MAP3K4: variants seen among roughly 807,000 people sequenced by gnomAD.
MAP3K4 encodes the protein MAP three kinase 1.
A neutral mutation model predicts 185.6 loss-of-function variants in MAP3K4; 67 were observed. The observed-to-expected ratio is 0.36, with a 90% CI of 0.30 to 0.44. MAP3K4 has a LOEUF of 0.44. Ranked by LOEUF, MAP3K4 falls within the 20% of genes least tolerant of loss-of-function variation. The pLI, the probability that MAP3K4 is intolerant of heterozygous loss-of-function variation, is 1.00. For synonymous variants in MAP3K4, 702 were observed against 710.4 expected (o/e 0.99, Z 0.19); for missense variants, 1,551 against 1,995.1 (o/e 0.78, Z 4.24).
intron 15 of MAP3K4, among the ~76,000 whole-genome samples, chr6:161,095,404 A>C (rs1777523208): frequency 2.6e-5 from 4 of 152,244 alleles, no homozygotes; most frequent in African/African-American, 7.2e-5. Flanking sequence ...AAAGAAATGA[A>C]TGAAAATGAG....
At chr6:161,102,015 T>C in intron 18 of MAP3K4, 23 bp downstream of exon 18, 2 of 1,566,554 alleles carry the variant, frequency 1.3e-6, no homozygotes, top group South Asian at 2.2e-5. Flanking sequence ...AGGTGTTAGC[T>C]GCATTCACAA....
chr6:161,029,635 C>A (rs9458101), intron 1 of MAP3K4, among the ~76,000 whole-genome samples: 4,055 of 152,304 alleles, frequency 0.027, 121 homozygotes, highest in African/African-American at 0.072. Context: ...TGTTTCAGGG[C>A]AGCTGATGTA....
chr6:161,110,804 T>G lies in MAP3K4; in HGVS notation c.4396+890T>G, dbSNP rs1341909236. On this transcript the variant is annotated intron_variant, in intron 23 of 26. Coordinates refer to ENST00000392142, the MANE Select transcript of MAP3K4 (RefSeq NM_005922.4). The surrounding 1 kb of genome is among the most constrained non-coding windows in gnomAD (Gnocchi z 4.8). Reference sequence around the variant, plus strand: ...ATTGGCTGCCTGCCTGTCCGCTACCTTGCTTTGGTGTCTGGGGTCATCCTG... The same window carrying G: ...ATTGGCTGCCTGCCTGTCCGCTACCGTGCTTTGGTGTCTGGGGTCATCCTG... Among the ~76,000 whole-genome samples, 1 of 152,200 alleles carries G rather than the reference T, an allele frequency of 6.6e-6. No homozygotes were observed. The highest frequency in any genetic ancestry group is 1.9e-4 in the East Asian group (1 of 5,200).
chr6:161,009,605 G>A (rs73591482), intron 1 of MAP3K4, among the ~76,000 whole-genome samples: 1,739 of 152,120 alleles, frequency 0.011, 43 homozygotes, highest in African/African-American at 0.04. Context: ...ATTCCATTGT[G>A]TGTACATATC....
chr6:161,045,548 G>T (rs908802706), intron 2 of MAP3K4, among the ~76,000 whole-genome samples: 10 of 152,086 alleles, frequency 6.6e-5, no homozygotes, highest in African/African-American at 2.4e-4. Context: ...TTATTTTCAT[G>T]TTTTGCCCCT....
chr6:160,995,671 A>C (rs760114063), intron 1 of MAP3K4, among the ~76,000 whole-genome samples: 3 of 152,214 alleles, frequency 2.0e-5, no homozygotes, highest in Non-Finnish European at 4.4e-5. Flanking sequence ...ATTGTTAGTG[A>C]TTAAATTTTG....
At chr6:160,998,290 T>C (rs1176522286) in intron 1 of MAP3K4, among the ~76,000 whole-genome samples, 1 of 152,192 alleles carries the variant, frequency 6.6e-6, no homozygotes, top group Non-Finnish European at 1.5e-5. Flanking sequence ...TAATACTCAG[T>C]GTGATCGCAT....
At position 161,043,731 on chromosome 6, in the gene MAP3K4, T is replaced by A. The variant is rs944924368; in HGVS notation, c.344-4885T>A. ...GAACGCAGTGATTTCGAACATACAC[T>A]GAAATTTGAGAAGCTTGAGCTAGAT... On this transcript the variant is annotated intron_variant, in intron 2 of 26. Transcript: ENST00000392142. This position sits in a 1 kb window ranked among gnomAD's most constrained non-coding sequence, Gnocchi z 4.3. 6.6e-6 allele frequency among the ~76,000 whole-genome samples: 1 copy of A among 152,222 alleles called. No homozygotes were observed. The highest frequency in any genetic ancestry group is 1.5e-5 in the Non-Finnish European group (1 of 68,030).
Position 161,092,978 on chromosome 6 carries a change from G to A in MAP3K4, c.3270G>A (p.Arg1090=). 6.2e-7 allele frequency: 1 copy of A among 1,611,106 alleles called. No individual in the cohort carries two copies. The highest frequency in any genetic ancestry group is 1.1e-5 in the South Asian group (1 of 90,916). ...KCESGRGTRP[R]WATQGFDFLQ... Reference sequence around the variant, plus strand: ...ATTACTGAACTTTTTCGTGTACCAGGTGGGCGACTCAAGGATTTGATTTTC... The same window carrying A: ...ATTACTGAACTTTTTCGTGTACCAGATGGGCGACTCAAGGATTTGATTTTC... Residue 1090 remains arginine, a splice_region_variant and synonymous_variant, in exon 14 of 27, where the codon AGG becomes AGA. Coordinates refer to ENST00000392142, the MANE Select transcript of MAP3K4 (RefSeq NM_005922.4).
Position 161,093,530 on chromosome 6 carries a change from G to C in MAP3K4, c.3349-243G>C, listed in dbSNP as rs1344866507. 6.6e-6 allele frequency among the ~76,000 whole-genome samples: 1 copy of C among 152,054 alleles called. No individual in the cohort carries two copies. The highest frequency in any genetic ancestry group is 1.5e-5 in the Non-Finnish European group (1 of 67,984). On this transcript the variant is annotated intron_variant, in intron 14 of 26. Transcript: ENST00000392142. The surrounding 1 kb of genome is among the most constrained non-coding windows in gnomAD (Gnocchi z 5.2). The stretch of plus-strand genomic sequence containing the variant: ...CGATTACATGAAAAGTTCTTTGCTT[G>C]TACACGTTATTGTGTTATGGGAAAT...
chr6:161,111,486 G>A (rs1195614381), intron 23 of MAP3K4, among the ~76,000 whole-genome samples: 1 of 152,174 alleles, frequency 6.6e-6, no homozygotes, highest in Non-Finnish European at 1.5e-5. Context: ...GCTGCTGATT[G>A]TACACATCTC....
At chr6:161,020,529 G>T (rs374784525) in intron 1 of MAP3K4, among the ~76,000 whole-genome samples, 1 of 151,828 alleles carries the variant, frequency 6.6e-6, no homozygotes, top group African/African-American at 2.4e-5. Context: ...GTGGTAGTGC[G>T]CGCCTGTAGT....
chr6:161,041,341 G>T (rs892967017), intron 2 of MAP3K4, among the ~76,000 whole-genome samples: 2 of 152,220 alleles, frequency 1.3e-5, no homozygotes, highest in Non-Finnish European at 2.9e-5. Context: ...GGGCTGGAGT[G>T]CAGGCTACTG....
In MAP3K4 at chr6:161,082,165, T is replaced by C. The variant is rs2114844196; in HGVS notation, c.2255+1127T>C. Among the ~76,000 whole-genome samples the C allele has an allele frequency of 6.6e-6, 1 of 152,160 alleles. No homozygotes were observed. Among genetic ancestry groups the C allele is most frequent in the South Asian group, 2.1e-4 (1 of 4,820 alleles). ...TCTCATAACTCCATCCGTCAGGCTG[T>C]GATCCCCAGGCTGTCTTTGCTTGTC... On this transcript the variant is annotated intron_variant, in intron 6 of 26. Coordinates refer to ENST00000392142, the MANE Select transcript of MAP3K4 (RefSeq NM_005922.4). The surrounding 1 kb of genome is among the most constrained non-coding windows in gnomAD (Gnocchi z 4.2).
At chr6:161,068,711 T>C (rs1238847432) in intron 3 of MAP3K4, among the ~76,000 whole-genome samples, 2 of 152,142 alleles carry the variant, frequency 1.3e-5, no homozygotes, top group African/African-American at 4.8e-5. Context: ...TTAAGGAGTA[T>C]TTAGTAGAAC....
In MAP3K4 at chr6:161,071,490, A is replaced by G. The variant is rs947571065; in HGVS notation, c.1950+640A>G. Among the ~76,000 whole-genome samples the G allele has an allele frequency of 1.3e-5, 2 of 152,170 alleles. No individual in the cohort carries two copies. The highest frequency in any genetic ancestry group is 2.9e-5 in the Non-Finnish European group (2 of 68,018). ...TGTCCCCAAAAGAAGAAAGGTTGGT[A>G]TGTTTTTTGTAGACTGTACGTGTCT... On this transcript the variant is annotated intron_variant, in intron 4 of 26. Transcript: ENST00000392142. The surrounding 1 kb of genome is among the most constrained non-coding windows in gnomAD (Gnocchi z 4.6).
intron 5 of MAP3K4, among the ~76,000 whole-genome samples, chr6:161,079,564 GA>G (rs1785345755): frequency 6.6e-6 from 1 of 152,170 alleles, no homozygotes; most frequent in Non-Finnish European, 1.5e-5. Context: ...GCAGCAAGAG[GA>G]AACTCCATCT....
At position 161,017,279 on chromosome 6, in the gene MAP3K4, T is replaced by C. The variant is rs1782160361; in HGVS notation, c.153-16980T>C. ...TTAATTAGTATATTAGAATTTTTATTTCGATGATCCTAGCTAAGTCAAAAC... is the reference window on the plus strand; with the variant it reads ...TTAATTAGTATATTAGAATTTTTATCTCGATGATCCTAGCTAAGTCAAAAC... On this transcript the variant is annotated intron_variant, in intron 1 of 26. Transcript: ENST00000392142. The surrounding 1 kb of genome is among the most constrained non-coding windows in gnomAD (Gnocchi z 5.1). Among the ~76,000 whole-genome samples, 1 of 152,138 alleles carries C rather than the reference T, an allele frequency of 6.6e-6. No homozygotes were observed. The highest frequency in any genetic ancestry group is 6.5e-5 in the Admixed American group (1 of 15,276).
Position 161,110,529 on chromosome 6 carries a change from C to T in MAP3K4, c.4396+615C>T, listed in dbSNP as rs938932944. Among the ~76,000 whole-genome samples, 1 of 152,196 alleles carries T rather than the reference C, an allele frequency of 6.6e-6. No individual in the cohort carries two copies. The highest frequency in any genetic ancestry group is 1.5e-5 in the Non-Finnish European group (1 of 68,038). On this transcript the variant is annotated intron_variant, in intron 23 of 26. Coordinates refer to ENST00000392142, the MANE Select transcript of MAP3K4 (RefSeq NM_005922.4). The surrounding 1 kb of genome is among the most constrained non-coding windows in gnomAD (Gnocchi z 4.8). ...GCCCCTGACCTTTGTATTTGCAAGT[C>T]TTGAGGATAATTAAAATGGGGAAGT...
Sources: gnomAD v4.1 joint callset for allele counts (sites outside exome capture counted in the v4.1 genomes callset) on GRCh38, gnomAD v4.1.1 for gene constraint, Gnocchi (gnomAD v3.1) non-coding constraint, MANE v1.5 for transcripts, NCBI Gene and HGNC (gene_info 2026-07-23, HGNC 2026-07-21) for gene names.